The following GEN1 variants were observed in gnomAD, a reference collection of about 807,000 sequenced individuals.
GEN1 encodes the protein GEN1 structure-specific endonuclease, also known as flap endonuclease GEN homolog 1.
GEN1 carries 64 observed loss-of-function variants against 67.6 expected under a neutral mutation model. That is an observed-to-expected ratio of 0.95 (90% confidence interval 0.77 to 1.17). GEN1 has a LOEUF of 1.17. Among genes scored for constraint, GEN1 ranks in the 50% most tolerant of loss-of-function variants. The probability of loss-of-function intolerance (pLI) is 0.00; values close to 1 mark genes in which losing one functional copy is unlikely to be tolerated. For synonymous variants in GEN1, 371 were observed against 359.4 expected (o/e 1.03, Z -0.37); for missense variants, 1,058 against 1,048.3 (o/e 1.01, Z -0.13).
At chr2:17,758,682 G>A (rs1221693878) in intron 1 of GEN1, among the ~76,000 whole-genome samples, 2 of 152,046 alleles carry the variant, frequency 1.3e-5, no homozygotes, top group African/African-American at 4.8e-5. Flanking sequence ...ATAGAAATGA[G>A]TACACAGAAT....
chr2:17,771,233 C>G lies in GEN1; in HGVS notation c.748C>G (p.Pro250Ala). 1 of 1,611,964 alleles carries G rather than the reference C, an allele frequency of 6.2e-7. No homozygotes were observed. The highest frequency in any genetic ancestry group is 8.5e-7 in the Non-Finnish European group (1 of 1,178,372). Residue 250 changes from proline (P) to alanine (A), a missense_variant, in exon 7 of 14, where the codon CCA (proline) becomes GCA (alanine). Pro to Ala is a conservative substitution (Grantham distance 27). Transcript: ENST00000381254. ...RWNETSCNSS[P>A]QLLVTKKLAH... ...GAATGAAACATCTTGTAACTCTAGT[C>G]CACAACTGCTAGTCACTAAAAAACT...
In GEN1 at chr2:17,771,295, G is replaced by A. The variant is rs369930244; in HGVS notation, c.802+8G>A. The A allele has an allele frequency of 1.8e-5, 27 of 1,534,748 alleles. No individual in the cohort carries two copies. The African/African-American group carries it at 2.7e-4, about 16-fold the overall frequency. ...CCGTATGTTCCCATCCAGGTAAGGA[G>A]ACATAGGGAATGGTTATTAGTATCT... On this transcript the variant is annotated splice_region_variant and intron_variant, in intron 7 of 13. Transcript: ENST00000381254.
chr2:17,772,781 A>G lies in GEN1; in HGVS notation c.950A>G (p.Lys317Arg), dbSNP rs1672253437. The change falls in exon 8 of 14, where the codon AAG becomes AGG. Residue 317 changes from lysine (K) to arginine (R), a missense_variant. Physicochemically the swap from Lys to Arg is conservative, Grantham distance 26. Transcript: ENST00000381254. ...CTCAGTGAAGTAGAGAACAATATTA[A>G]GAAGTAAGTTTTTTTAAAAACTCAT... ...RQLSEVENNI[K>R]KKACCCEGFP... The G allele has an allele frequency of 6.2e-7, 1 of 1,604,310 alleles. No individual in the cohort carries two copies. The highest frequency in any genetic ancestry group is 1.3e-5 in the African/African-American group (1 of 74,436).
chr2:17,775,296 C>T (rs1216940871), intron 11 of GEN1, among the ~76,000 whole-genome samples: 2 of 152,070 alleles, frequency 1.3e-5, no homozygotes, highest in Non-Finnish European at 2.9e-5. Context: ...GGTCTCTAGG[C>T]TAAACTTGGT....
At position 17,783,267 on chromosome 2, in the gene GEN1, C is replaced by G. The variant is rs1316110960; in HGVS notation, c.*1328C>G. 6.6e-6 allele frequency: 1 copy of G among 152,210 alleles called. No individual in the cohort carries two copies. The highest frequency in any genetic ancestry group is 1.5e-5 in the Non-Finnish European group (1 of 68,118). 9.4% of individuals were successfully genotyped at this position (152,210 alleles called of 1,614,324 possible). On this transcript the variant is annotated 3_prime_UTR_variant, in exon 14 of 14. Coordinates refer to ENST00000381254, the MANE Select transcript of GEN1 (RefSeq NM_001130009.3). ...AGAGATGGGATTTTCCCTTGTTGGT[C>G]AGGCTAGTCATGAACTCCTGGCCTC... is the stretch of plus-strand genomic sequence containing the variant.
chr2:17,769,847 A>G (rs1316223877), intron 6 of GEN1, among the ~76,000 whole-genome samples: 1 of 152,194 alleles, frequency 6.6e-6, no homozygotes, highest in Non-Finnish European at 1.5e-5. Flanking sequence ...TAAGAAAGGA[A>G]CTAGGACACT....
rs1162962055 is a variant in GEN1 at position 17,788,678 on chromosome 2, A to G, written c.*6739A>G. ...ATCAAAGACCTAATGAAAAGATTCTATAGTGTTTGCGTCATCATAAGTTAA... is the reference window on the plus strand; with the variant it reads ...ATCAAAGACCTAATGAAAAGATTCTGTAGTGTTTGCGTCATCATAAGTTAA... On this transcript the variant is annotated 3_prime_UTR_variant, in exon 14 of 14. Transcript: ENST00000381254. The G allele has an allele frequency of 6.6e-6, 1 of 152,216 alleles. No individual in the cohort carries two copies. Among genetic ancestry groups the G allele is most frequent in the Non-Finnish European group, 1.5e-5 (1 of 68,032 alleles). 9.4% of individuals were successfully genotyped at this position (152,216 alleles called of 1,614,324 possible). A position where few individuals can be genotyped will look rare whatever the true frequency, so the allele number is the denominator to read the frequency against.
chr2:17,755,035 A>G (rs1283723946), intron 1 of GEN1: 2 of 152,186 alleles, frequency 1.3e-5, no homozygotes, highest in Non-Finnish European at 2.9e-5. Flanking sequence ...TCCACCTCCA[A>G]ATAAATTGAT....
rs2125184244 is a variant in GEN1, at chr2:17,782,492, C to T, written c.*553C>T. 6.6e-6 allele frequency: 1 copy of T among 152,136 alleles called. No individual in the cohort carries two copies. Among genetic ancestry groups the T allele is most frequent in the South Asian group, 2.1e-4 (1 of 4,824 alleles). The allele number at this position is 152,136 out of a possible 1,614,324, so 9.4% of individuals were successfully genotyped here. ...ATATTCTCCCTCAGTTTGAAGATAC[C>T]TTTAGTGTGCTCTTCCACTTTTGGT... is the stretch of plus-strand genomic sequence containing the variant. On this transcript the variant is annotated 3_prime_UTR_variant, in exon 14 of 14. Coordinates refer to ENST00000381254, the MANE Select transcript of GEN1 (RefSeq NM_001130009.3).
intron 3 of GEN1, among the ~76,000 whole-genome samples, chr2:17,763,059 C>G (rs890368739): frequency 3.3e-5 from 5 of 152,226 alleles, no homozygotes; most frequent in African/African-American, 1.2e-4. Flanking sequence ...TACCTACTTA[C>G]CTCTTGAGGT....
chr2:17,769,631 C>G (rs1344515172), intron 6 of GEN1, among the ~76,000 whole-genome samples: 1 of 152,122 alleles, frequency 6.6e-6, no homozygotes, highest in Admixed American at 6.5e-5. Flanking sequence ...AAATCTTACT[C>G]GACTGGCCTT....
chr2:17,755,557 A>G (rs1464923618), intron 1 of GEN1: 1 of 152,252 alleles, frequency 6.6e-6, no homozygotes, highest in Non-Finnish European at 1.5e-5. Context: ...TACTGAGATT[A>G]TGTGGTAAAT....
intron 1 of GEN1, among the ~76,000 whole-genome samples, chr2:17,759,122 A>G (rs1359624789): frequency 6.6e-6 from 1 of 152,218 alleles, no homozygotes; most frequent in South Asian, 2.1e-4. Flanking sequence ...TTCTGGAATG[A>G]ATGAAGGTCA....
intron 11 of GEN1, among the ~76,000 whole-genome samples, chr2:17,776,770 A>G (rs1429590259): frequency 6.6e-6 from 1 of 152,212 alleles, no homozygotes; most frequent in Non-Finnish European, 1.5e-5. Flanking sequence ...AACATTATTC[A>G]TAGGAAAAGC....
chr2:17,778,184 A>G lies in GEN1; in HGVS notation c.1264+121A>G, dbSNP rs113259008. 5.7e-4 allele frequency: 207 copies of G among 365,854 alleles called. 1 individual carries two copies. Among genetic ancestry groups the G allele is most frequent in the African/African-American group, 2.9e-3 (97 of 33,678 alleles). 22.7% of individuals were successfully genotyped at this position (365,854 alleles called of 1,614,324 possible). On this transcript the variant is annotated intron_variant, in intron 12 of 13. Transcript: ENST00000381254. ...CACACATAGATATGTGTATATATAT[A>G]TATACACACACACATATATGTGTAT... is the stretch of plus-strand genomic sequence containing the variant.
chr2:17,772,503 C>T (rs1374137034), intron 7 of GEN1, 131 bp from the exon 8 acceptor site: 10 of 617,668 alleles, frequency 1.6e-5, no homozygotes, highest in Non-Finnish European at 2.7e-5. Context: ...TGTATTGAAA[C>T]CTTTCTATAT....
rs574991260 is a variant in GEN1, at chr2:17,758,869, A to G, written c.-15-1060A>G. 4.6e-3 allele frequency among the ~76,000 whole-genome samples: 703 copies of G among 151,886 alleles called. 4 individuals are homozygous for G. The highest frequency in any genetic ancestry group is 0.016 in the African/African-American group (651 of 41,448). The stretch of plus-strand genomic sequence containing the variant: ...ACCCTGTCTCAAAAAAAAAAAAAAA[A>G]GGAATAATACTTATGGCAGCACTGG... On this transcript the variant is annotated intron_variant, in intron 1 of 13. Coordinates refer to ENST00000381254, the MANE Select transcript of GEN1 (RefSeq NM_001130009.3).
At chr2:17,779,016 T>C (rs1302979455) in intron 12 of GEN1, among the ~76,000 whole-genome samples, 3 of 152,166 alleles carry the variant, frequency 2.0e-5, no homozygotes, top group African/African-American at 7.2e-5. Flanking sequence ...CTCTGCCTCC[T>C]GGTTCAAGTG....
In GEN1 at chr2:17,766,687, A is replaced by C. The variant is rs1247932859; in HGVS notation, c.634A>C (p.Lys212Gln). Residue 212 changes from lysine (K) to glutamine (Q), a missense_variant and splice_region_variant, in exon 5 of 14, where the codon AAG becomes CAG. By Grantham distance (53) the Lys-to-Gln change is moderately conservative. Transcript: ENST00000381254. The stretch of plus-strand genomic sequence containing the variant: ...ACTTCTTGGCTGTGATTATCTCCCA[A>C]AGGTAAGCTGAAATTGTCATATTTA... ...AILLGCDYLPKGVPGVGKEQA... is the reference protein window; with the variant it reads ...AILLGCDYLPQGVPGVGKEQA... The C allele has an allele frequency of 6.6e-7, 1 of 1,522,094 alleles. No homozygotes were observed. The highest frequency in any genetic ancestry group is 9.1e-7 in the Non-Finnish European group (1 of 1,097,570). 94.3% of individuals were successfully genotyped at this position (1,522,094 alleles called of 1,614,324 possible). A position where few individuals can be genotyped will look rare whatever the true frequency, so the allele number is the denominator to read the frequency against.
Sources: gnomAD v4.1 joint callset for allele counts (sites outside exome capture counted in the v4.1 genomes callset) on GRCh38, gnomAD v4.1.1 for gene constraint, MANE v1.5 for transcripts, NCBI Gene and HGNC (gene_info 2026-07-23, HGNC 2026-07-21) for gene names.